CTSZ: variants seen among roughly 807,000 people sequenced by gnomAD.
CTSZ encodes cathepsin Z.
CTSZ carries 39 observed loss-of-function variants against 32.4 expected under a neutral mutation model. That is an observed-to-expected ratio of 1.20 (90% CI 0.93 to 1.57). CTSZ has a LOEUF of 1.57. Ranked by LOEUF, CTSZ falls within the 40% of genes most tolerant of loss-of-function variation. CTSZ has a pLI of 0.00. For missense variants in CTSZ, 397 were observed against 419.6 expected (o/e 0.95, Z 0.47); for synonymous variants, 168 against 170.1 (o/e 0.99, Z 0.10).
chr20:59,007,185 GCGCCGGCTCCCGCTCTGGATCCC>G lies in CTSZ; in HGVS notation c.-80_-58del. ...GATCCCGCTCCGAGTCCCAGATCCC[GCGCCGGCTCCCGCTCTGGATCCC>G]GCCCCGGCCTCGGCCTCGGCCCAGC... On this transcript the variant is annotated 5_prime_UTR_variant, in exon 1 of 6. Transcript: ENST00000217131. 1 of 1,296,198 alleles carries G rather than the reference GCGCCGGCTCCCGCTCTGGATCCC, an allele frequency of 7.7e-7. No individual in the cohort carries two copies. The highest frequency in any genetic ancestry group is 9.7e-7 in the Non-Finnish European group (1 of 1,029,514). The allele number at this position is 1,296,198 out of a possible 1,614,324, so 80.3% of individuals were successfully genotyped here.
At chr20:58,998,618 G>A (rs2146361930) in intron 3 of CTSZ, among the ~76,000 whole-genome samples, 1 of 152,220 alleles carries the variant, frequency 6.6e-6, no homozygotes, top group South Asian at 2.1e-4. Context: ...AGCACTTCGG[G>A]AGGCCGAGGC....
chr20:59,000,076 AAAAAC>A (rs200053369), intron 3 of CTSZ, among the ~76,000 whole-genome samples: 64,445 of 143,612 alleles, frequency 0.45, 14,071 homozygotes, highest in East Asian at 0.62. Flanking sequence ...CTCAAAAAAA[AAAAAC>A]AAACTACCAG....
At chr20:59,006,528 C>A in intron 1 of CTSZ, 43 bp from the exon 2 acceptor site, 1 of 1,569,934 alleles carries the variant, frequency 6.4e-7, no homozygotes, top group Non-Finnish European at 8.6e-7. Flanking sequence ...CTGGGGCTCC[C>A]GGGGGCCGTG....
chr20:58,997,825 CCCACTCT>C (rs2146361367), intron 3 of CTSZ, 72 bp from the exon 4 acceptor site: 3 of 1,402,306 alleles, frequency 2.1e-6, no homozygotes, highest in South Asian at 2.9e-5. Flanking sequence ...GCCCGCCAAG[CCCACTCT>C]CCACTCTCAT....
At chr20:58,997,852 T>C (rs927052922) in intron 3 of CTSZ, 99 bp from the exon 4 acceptor site, 1 of 1,087,842 alleles carries the variant, frequency 9.2e-7, no homozygotes, top group Non-Finnish European at 1.3e-6. Context: ...TCATGCAGCC[T>C]ACCACTCAGC....
At position 59,007,161 on chromosome 20, in the gene CTSZ, A is replaced by ATCCCGCTCCGAG. The variant is rs2091912825; in HGVS notation, c.-45_-34dup. ...CGCCGGCTCCTGGGTCCCGCTCCGG[A>ATCCCGCTCCGAG]TCCCGCTCCGAGTCCCAGATCCCGC... On this transcript the variant is annotated 5_prime_UTR_variant, in exon 1 of 6. Coordinates refer to ENST00000217131, the MANE Select transcript of CTSZ (RefSeq NM_001336.4). The ATCCCGCTCCGAG allele has an allele frequency of 2.6e-5, 34 of 1,315,318 alleles. No homozygotes were observed. Among genetic ancestry groups the ATCCCGCTCCGAG allele is most frequent in the Non-Finnish European group, 3.3e-5 (34 of 1,040,070 alleles). 81.5% of individuals were successfully genotyped at this position (1,315,318 alleles called of 1,614,324 possible).
In CTSZ at chr20:58,996,658, T is replaced by C. The variant is rs1156850626; in HGVS notation, c.782A>G (p.Asn261Ser). Reference protein sequence around the residue: ...SDGTEYWIVRNSWGEPWGERG... With the variant: ...SDGTEYWIVRSSWGEPWGERG... ...TCTTACCCATGGTTCACCCCATGAA[T>C]TCCGGACAATCCAGTACTCAGTCCC... The change falls in exon 5 of 6, where the codon AAT (asparagine) becomes AGT (serine). Residue 261 changes from asparagine (N) to serine (S), a missense_variant. Physicochemically the swap from Asn to Ser is conservative, Grantham distance 46 (BLOSUM62 1). Coordinates refer to ENST00000217131, the MANE Select transcript of CTSZ (RefSeq NM_001336.4). 1.2e-6 allele frequency: 2 copies of C among 1,613,558 alleles called. No homozygotes were observed. The highest frequency in any genetic ancestry group is 8.5e-7 in the Non-Finnish European group (1 of 1,179,792).
At chr20:58,998,606 C>A (rs921954642) in intron 3 of CTSZ, among the ~76,000 whole-genome samples, 7 of 151,894 alleles carry the variant, frequency 4.6e-5, no homozygotes, top group African/African-American at 1.2e-4. Context: ...ACCTGTAATC[C>A]CAGCACTTCG....
In CTSZ at chr20:59,005,128, C is replaced by A. The variant is rs538126301; in HGVS notation, c.307+1194G>T. Among the ~76,000 whole-genome samples, 7 of 152,272 alleles carry A rather than the reference C, an allele frequency of 4.6e-5. No homozygotes were observed. In the South Asian group the frequency reaches 1.4e-3, roughly 32 times the overall value. ...CTCTGCCTCTAGCCCCACCCACACC[C>A]TGCAGCCCGCCCAAGGTCTCCCAGA... On this transcript the variant is annotated intron_variant, in intron 2 of 5. Coordinates refer to ENST00000217131, the MANE Select transcript of CTSZ (RefSeq NM_001336.4).
In CTSZ at chr20:59,004,848, G is replaced by T. The variant is rs1004113466; in HGVS notation, c.307+1474C>A. ...GGTGAAGCAGTCATCCGCCCAGAGA[G>T]AGTCCCCTGGGGAAATGCGGCAGGG... On this transcript the variant is annotated intron_variant, in intron 2 of 5. Transcript: ENST00000217131. This position sits in a 1 kb window ranked among gnomAD's most constrained non-coding sequence, Gnocchi z 5.6. 6.6e-6 allele frequency among the ~76,000 whole-genome samples: 1 copy of T among 152,076 alleles called. No homozygotes were observed. The highest frequency in any genetic ancestry group is 1.5e-5 in the Non-Finnish European group (1 of 67,998).
intron 4 of CTSZ, 52 bp from the exon 5 acceptor site, chr20:58,996,853 G>GTC: frequency 6.3e-7 from 1 of 1,586,200 alleles, no homozygotes; most frequent in Non-Finnish European, 8.6e-7. Context: ...AGAATTTACC[G>GTC]TCATTAGAAA....
At chr20:58,996,041 T>G (rs1479050426) in intron 5 of CTSZ, among the ~76,000 whole-genome samples, 6 of 152,252 alleles carry the variant, frequency 3.9e-5, no homozygotes, top group Non-Finnish European at 5.9e-5. Flanking sequence ...CTCCTCCAGC[T>G]ACTACTACCC....
Position 58,995,602 on chromosome 20 carries a change from A to G in CTSZ, c.*47T>C, listed in dbSNP as rs538357999. 52 of 1,558,804 alleles carry G rather than the reference A, an allele frequency of 3.3e-5. No homozygotes were observed. The South Asian group carries it at 3.3e-4, about 10-fold the overall frequency. On this transcript the variant is annotated 3_prime_UTR_variant, in exon 6 of 6. Transcript: ENST00000217131. ...CATAACCATAGGATCCCCTCTGGTC[A>G]TGGGTCACCATGCCTTTTCTTAAAC... is the stretch of plus-strand genomic sequence containing the variant.
chr20:59,000,760 GC>G (rs2091885206), intron 3 of CTSZ, among the ~76,000 whole-genome samples: 1 of 151,904 alleles, frequency 6.6e-6, no homozygotes, highest in Non-Finnish European at 1.5e-5. Flanking sequence ...CCACATTCAG[GC>G]CCAGCCAAAG....
chr20:58,999,836 G>A lies in CTSZ; in HGVS notation c.487+1629C>T, dbSNP rs143377380. 4.0e-3 allele frequency among the ~76,000 whole-genome samples: 608 copies of A among 151,744 alleles called. 4 individuals are homozygous for A. The highest frequency in any genetic ancestry group is 0.014 in the African/African-American group (565 of 41,342). ...TGTAATCCCAGCACTTTGGGAGGCC[G>A]AGGCAGGCATATCACGAGGTCAGGA... On this transcript the variant is annotated intron_variant, in intron 3 of 5. Transcript: ENST00000217131.
intron 5 of CTSZ, 34 bp from the exon 6 acceptor site, chr20:58,995,793 G>T: frequency 6.3e-7 from 1 of 1,591,122 alleles, no homozygotes; most frequent in Non-Finnish European, 8.6e-7. Context: ...CAGCCCATCT[G>T]CAGCCGTCTC....
intron 2 of CTSZ, among the ~76,000 whole-genome samples, chr20:59,003,175 GTCCCATGGCCTGC>G (rs2091896733): frequency 6.6e-6 from 1 of 152,136 alleles, no homozygotes. Context: ...AGTGCAGGGC[GTCCCATGGCCTGC>G]CCCCGAGCCC....
At chr20:59,006,550 C>T in intron 1 of CTSZ, 65 bp from the exon 2 acceptor site, 4 of 1,527,386 alleles carry the variant, frequency 2.6e-6, no homozygotes, top group Non-Finnish European at 3.5e-6. Context: ...GCCCAGGAAG[C>T]CCTCGGTAGG....
At position 58,995,221 on chromosome 20, in the gene CTSZ, G is replaced by A. The variant is rs2091851311; in HGVS notation, c.*428C>T. 1.2e-5 allele frequency: 2 copies of A among 172,778 alleles called. No homozygotes were observed. Among genetic ancestry groups the A allele is most frequent in the Admixed American group, 1.2e-4 (2 of 16,524 alleles). The allele number at this position is 172,778 out of a possible 1,614,324, so 10.7% of individuals were successfully genotyped here. ...GCCAGATACTTTATTCATCACTTGG[G>A]CGATTTGAAACTGCCAACTCCCTCC... On this transcript the variant is annotated 3_prime_UTR_variant, in exon 6 of 6. Coordinates refer to ENST00000217131, the MANE Select transcript of CTSZ (RefSeq NM_001336.4).
Sources: gnomAD v4.1 joint callset for allele counts (sites outside exome capture counted in the v4.1 genomes callset) on GRCh38, gnomAD v4.1.1 for gene constraint, Gnocchi (gnomAD v3.1) non-coding constraint, MANE v1.5 for transcripts, NCBI Gene and HGNC (gene_info 2026-07-23, HGNC 2026-07-21) for gene names.